Variants in SCN1A observed in about 807,000 individuals in gnomAD.
SCN1A encodes sodium channel protein type 1 subunit alpha.
In SCN1A, 13 loss-of-function variants were observed where a neutral mutation model predicts 193.7. The observed-to-expected ratio is 0.07, with a 90% CI of 0.04 to 0.11. The LOEUF (loss-of-function observed/expected upper bound fraction) is 0.11, where lower values mean the gene tolerates loss of function less well. SCN1A is among the 10% of genes least tolerant of loss of function. The probability of loss-of-function intolerance (pLI) is 1.00; values close to 1 mark genes in which losing one functional copy is unlikely to be tolerated. For synonymous variants in SCN1A, 781 were observed against 843.6 expected (o/e 0.93, Z 1.29); for missense variants, 1,432 against 2,451.1 (o/e 0.58, Z 8.78).
intron 19 of SCN1A, 56 bp downstream of exon 19, chr2:166,035,992 G>T: frequency 6.5e-7 from 1 of 1,533,582 alleles, no homozygotes; most frequent in Non-Finnish European, 9.0e-7. Flanking sequence ...ATCTGTATGT[G>T]TGTATATGTA....
intron 27 of SCN1A, among the ~76,000 whole-genome samples, chr2:165,994,919 T>C (rs16851342): frequency 0.058 from 8,821 of 151,986 alleles, 834 homozygotes; most frequent in African/African-American, 0.2. Context: ...TGCATTTAAA[T>C]ACCACATATG....
chr2:165,994,243 A>C lies in SCN1A; in HGVS notation c.4755T>G (p.Thr1585=). ...RINLVFIVLF[T]GECVLKLISL... is the part of the protein sequence containing the mutation. ...AGATGAGTTTCAGTACACACTCTCC[A>C]GTAAATAGCACAATGAACACCAGAT... Residue 1585 remains threonine (T), a synonymous_variant, in exon 28 of 29, where the codon ACT becomes ACG. Transcript: ENST00000674923. The C allele has an allele frequency of 6.2e-7, 1 of 1,613,256 alleles. No homozygotes were observed. The highest frequency in any genetic ancestry group is 8.5e-7 in the Non-Finnish European group (1 of 1,179,514).
intron 2 of SCN1A, among the ~76,000 whole-genome samples, chr2:166,100,435 T>A (rs1478233452): frequency 1.3e-5 from 2 of 151,308 alleles, no homozygotes; most frequent in East Asian, 1.9e-4. Context: ...GGCATTACCA[T>A]TCAGGACATA....
chr2:166,052,825 C>T (rs894237324), intron 8 of SCN1A, 27 bp downstream of exon 8: 12 of 1,542,540 alleles, frequency 7.8e-6, no homozygotes, highest in African/African-American at 6.8e-5. Context: ...ATGATGGGTC[C>T]GTCTCATTAT....
At chr2:166,021,829 T>A (rs771454193) in intron 19 of SCN1A, among the ~76,000 whole-genome samples, 7 of 152,156 alleles carry the variant, frequency 4.6e-5, no homozygotes, top group Non-Finnish European at 1.0e-4. Context: ...TTCCAGCCAA[T>A]GTTCTCCAGA....
chr2:166,060,024 G>A (rs1233225183), intron 4 of SCN1A: 7 of 152,162 alleles, frequency 4.6e-5, no homozygotes, highest in Admixed American at 4.6e-4. Flanking sequence ...GCCAATTAAT[G>A]TTGTGTCTGT....
At chr2:166,125,727 G>T (rs1030247050) in intron 2 of SCN1A, among the ~76,000 whole-genome samples, 3 of 152,112 alleles carry the variant, frequency 2.0e-5, no homozygotes, top group African/African-American at 7.2e-5. Context: ...TCCTGACTGA[G>T]CTCCTTAGTG....
chr2:166,107,741 A>G (rs1280640576), intron 2 of SCN1A, among the ~76,000 whole-genome samples: 1 of 152,174 alleles, frequency 6.6e-6, no homozygotes, highest in African/African-American at 2.4e-5. Flanking sequence ...TAGTACTAGA[A>G]AAACCAGATA....
chr2:166,043,860 G>A lies in SCN1A; in HGVS notation c.1852C>T (p.Arg618Cys), dbSNP rs750516202. The change falls in exon 14 of 29, where the codon CGC (arginine) becomes TGC (cysteine). Residue 618 changes from arginine (R) to cysteine (C), a missense_variant. Arg to Cys is a radical substitution (Grantham distance 180). This residue lies in a region of SCN1A where 316 missense variants were observed against 362.1 expected (regional missense o/e 0.87). Transcript: ENST00000674923. ...CTGGTCTGACTCAGGTTGCTGTTGC[G>A]TCTCTCTCCGTGTCGTCGGGGCACA... ...LFVPRRHGER[R>C]NSNLSQTSRS... 18 of 1,614,044 alleles carry A rather than the reference G, an allele frequency of 1.1e-5. No homozygotes were observed. The highest frequency in any genetic ancestry group is 1.5e-5 in the Non-Finnish European group (18 of 1,180,026).
At chr2:166,015,973 A>G in intron 19 of SCN1A, 1 of 467,792 alleles carries the variant, frequency 2.1e-6, no homozygotes, top group South Asian at 2.1e-5. Context: ...AAAGGCCATC[A>G]GCCACATGTA....
intron 1 of SCN1A, among the ~76,000 whole-genome samples, chr2:166,146,420 C>A (rs1692325207): frequency 6.6e-6 from 1 of 152,224 alleles, no homozygotes; most frequent in African/African-American, 2.4e-5. Flanking sequence ...TGGAACTTTT[C>A]ATAGCGGAGC....
At chr2:166,141,409 A>G (rs1243480524) in intron 1 of SCN1A, among the ~76,000 whole-genome samples, 1 of 151,992 alleles carries the variant, frequency 6.6e-6, no homozygotes, top group African/African-American at 2.4e-5. Flanking sequence ...ATTGTACCAG[A>G]CACCAGGCAT....
intron 18 of SCN1A, among the ~76,000 whole-genome samples, chr2:166,036,934 G>A (rs769257969): frequency 1.5e-3 from 226 of 152,194 alleles, no homozygotes; most frequent in Non-Finnish European, 2.4e-3. Context: ...ATATTAAATT[G>A]GATGTCAATT....
intron 2 of SCN1A, chr2:166,126,301 T>G (rs2106271706): frequency 6.6e-6 from 1 of 152,312 alleles, no homozygotes; most frequent in African/African-American, 2.4e-5. Flanking sequence ...ATTTTGTAAT[T>G]GCTTCATTGC....
rs75678217 is a variant in SCN1A, at chr2:166,074,144, C to T, written c.-49-474G>A. Among the ~76,000 whole-genome samples, 388 of 152,304 alleles carry T rather than the reference C, an allele frequency of 2.5e-3. 3 individuals carry two copies. The highest frequency in any genetic ancestry group is 8.9e-3 in the African/African-American group (369 of 41,562). On this transcript the variant is annotated intron_variant, in intron 3 of 28. Transcript: ENST00000674923. ...AGATAGTCAGGATAGTTTGCAGTGACCAACCTTAATGACCAATCAAATAGT... is the reference window on the plus strand; with the variant it reads ...AGATAGTCAGGATAGTTTGCAGTGATCAACCTTAATGACCAATCAAATAGT...
chr2:166,124,744 A>G (rs1339849300), intron 2 of SCN1A, among the ~76,000 whole-genome samples: 2 of 152,166 alleles, frequency 1.3e-5, no homozygotes, highest in Admixed American at 6.5e-5. Flanking sequence ...AAACATCAAG[A>G]ACACAGACGC....
chr2:166,048,555 A>G (rs1434108397), intron 10 of SCN1A, among the ~76,000 whole-genome samples: 1 of 152,140 alleles, frequency 6.6e-6, no homozygotes, highest in Non-Finnish European at 1.5e-5. Flanking sequence ...ATGGCTGCAT[A>G]GTATCCCATG....
intron 2 of SCN1A, among the ~76,000 whole-genome samples, chr2:166,120,624 T>G (rs1215394347): frequency 4.4e-4 from 36 of 82,004 alleles, no homozygotes; most frequent in African/African-American, 1.7e-3. Context: ...TTTTTTTTTT[T>G]GAGACAGAGT....
intron 23 of SCN1A, among the ~76,000 whole-genome samples, chr2:166,005,035 G>C (rs566077534): frequency 1.9e-4 from 29 of 151,482 alleles, no homozygotes; most frequent in South Asian, 1.0e-3. Context: ...CCTATAAATA[G>C]CATTTAGTGC....
Sources: gnomAD v4.1 joint callset for allele counts (sites outside exome capture counted in the v4.1 genomes callset) on GRCh38, gnomAD v4.1.1 for gene constraint, gnomAD v4.1.1 regional missense constraint, MANE v1.5 for transcripts, NCBI Gene and HGNC (gene_info 2026-07-23, HGNC 2026-07-21) for gene names.